The following AGFG1 variants were observed in gnomAD, a reference collection of about 807,000 sequenced individuals.
AGFG1 encodes the protein arf-GAP domain and FG repeat-containing protein 1.
A neutral mutation model predicts 60.6 loss-of-function variants in AGFG1; 10 were observed. The observed-to-expected ratio is 0.16, with a 90% confidence interval of 0.10 to 0.28. The LOEUF is 0.28. AGFG1 is among the 10% of genes least tolerant of loss of function. AGFG1 has a pLI of 1.00. For synonymous variants in AGFG1, 247 were observed against 242.9 expected (o/e 1.02, Z -0.16); for missense variants, 537 against 676.5 (o/e 0.79, Z 2.29).
chr2:227,535,710 G>T (rs1258174734), intron 8 of AGFG1, among the ~76,000 whole-genome samples: 1 of 152,062 alleles, frequency 6.6e-6, no homozygotes, highest in African/African-American at 2.4e-5. Context: ...AATTTCTTTA[G>T]TTATCCTGGT....
In AGFG1 at chr2:227,559,636, T is replaced by G. The variant is rs1693080390; in HGVS notation, c.*5141T>G. The G allele has an allele frequency of 6.6e-6, 1 of 152,172 alleles. No individual in the cohort carries two copies. Among genetic ancestry groups the G allele is most frequent in the South Asian group, 2.1e-4 (1 of 4,832 alleles). 9.4% of individuals were successfully genotyped at this position (152,172 alleles called of 1,614,324 possible). On this transcript the variant is annotated 3_prime_UTR_variant, in exon 13 of 13. Coordinates refer to ENST00000310078, the MANE Select transcript of AGFG1 (RefSeq NM_004504.5). Reference sequence around the variant, plus strand: ...GATGGTGATTAAAATGCCCATAGATTAATTTTTTAATCGGTTCTCTGAAAT... The same window carrying G: ...GATGGTGATTAAAATGCCCATAGATGAATTTTTTAATCGGTTCTCTGAAAT...
chr2:227,557,386 C>G lies in AGFG1; in HGVS notation c.*2891C>G, dbSNP rs1314024181. The G allele has an allele frequency of 6.6e-6, 1 of 152,092 alleles. No homozygotes were observed. The highest frequency in any genetic ancestry group is 6.6e-5 in the Admixed American group (1 of 15,266). The allele number at this position is 152,092 out of a possible 1,614,324, so 9.4% of individuals were successfully genotyped here. On this transcript the variant is annotated 3_prime_UTR_variant, in exon 13 of 13. Transcript: ENST00000310078. ...GTGCTTTACCTGTGAAATTCCCCGC[C>G]CCCCTGCACACACACCCACTTTAGT...
chr2:227,547,287 G>T (rs1379162406), intron 10 of AGFG1, among the ~76,000 whole-genome samples: 2 of 152,180 alleles, frequency 1.3e-5, no homozygotes, highest in East Asian at 3.8e-4. Flanking sequence ...GTTACCTTGG[G>T]CTGTGAAGGA....
At position 227,472,463 on chromosome 2, in the gene AGFG1, G is replaced by C; in HGVS notation, c.42G>C (p.Leu14=). ...AGCGGAAGCAGGAGGAGAAGCACCT[G>C]AAGATGCTGCGGGACATGACCGGCC... The part of the protein sequence containing the change: ...SAKRKQEEKH[L]KMLRDMTGLP... Residue 14 remains leucine, a synonymous_variant, in exon 1 of 13, where the codon CTG becomes CTC. Coordinates refer to ENST00000310078, the MANE Select transcript of AGFG1 (RefSeq NM_004504.5). 6.4e-7 allele frequency: 1 copy of C among 1,565,928 alleles called. No individual in the cohort carries two copies. The highest frequency in any genetic ancestry group is 8.6e-7 in the Non-Finnish European group (1 of 1,156,830).
At position 227,559,469 on chromosome 2, in the gene AGFG1, T is replaced by C. The variant is rs574846231; in HGVS notation, c.*4974T>C. 4.6e-5 allele frequency: 7 copies of C among 152,304 alleles called. No homozygotes were observed. Among genetic ancestry groups the C allele is most frequent in the African/African-American group, 1.4e-4 (6 of 41,576 alleles). The allele number at this position is 152,304 out of a possible 1,614,324, so 9.4% of individuals were successfully genotyped here. On this transcript the variant is annotated 3_prime_UTR_variant, in exon 13 of 13. Coordinates refer to ENST00000310078, the MANE Select transcript of AGFG1 (RefSeq NM_004504.5). ...TATCATTCTGCTTATTTTATTCTAG[T>C]GGATAAAAATTCAACGTATATTTAA...
chr2:227,533,680 A>G lies in AGFG1; in HGVS notation c.946A>G (p.Thr316Ala), dbSNP rs776720135. 1.1e-5 allele frequency: 18 copies of G among 1,613,746 alleles called. No individual in the cohort carries two copies. In the East Asian group the frequency reaches 1.8e-4, roughly 16 times the overall value. The change falls in exon 7 of 13, where the codon ACG (threonine) becomes GCG (alanine). Residue 316 changes from threonine (T) to alanine (A), a missense_variant. Thr to Ala is a moderately conservative substitution (Grantham distance 58, BLOSUM62 0). Around this residue, in one of 4 missense-constraint regions of AGFG1, gnomAD observed 287 missense variants for 343.6 expected, o/e 0.84. Transcript: ENST00000310078. ...AGCATCAGCTGTTAGTAAAGTTTCA[A>G]CGAACAAAGCTGGTTTACAGACTGC... ...QTASAVSKVS[T>A]NKAGLQTADK...
At chr2:227,490,677 T>A (rs1690786165) in intron 1 of AGFG1, among the ~76,000 whole-genome samples, 1 of 152,150 alleles carries the variant, frequency 6.6e-6, no homozygotes, top group African/African-American at 2.4e-5. Flanking sequence ...TCTGTGGAAC[T>A]TTGCGTAGGT....
intron 4 of AGFG1, 37 bp from the exon 5 acceptor site, chr2:227,524,725 G>C: frequency 6.2e-7 from 1 of 1,603,806 alleles, no homozygotes; most frequent in Non-Finnish European, 8.5e-7. Flanking sequence ...TTGCAGATCC[G>C]ACTGGAATAT....
chr2:227,510,019 GTTATC>G, intron 2 of AGFG1, among the ~76,000 whole-genome samples: 1 of 152,306 alleles, frequency 6.6e-6, no homozygotes, highest in East Asian at 1.9e-4. Flanking sequence ...ATTTACTTAT[GTTATC>G]TTAGTTTGAG....
rs1012513966 is a variant in AGFG1 at position 227,558,621 on chromosome 2, G to A, written c.*4126G>A. 1 of 151,904 alleles carries A rather than the reference G, an allele frequency of 6.6e-6. No individual in the cohort carries two copies. Among genetic ancestry groups the A allele is most frequent in the African/African-American group, 2.4e-5 (1 of 41,328 alleles). 9.4% of individuals were successfully genotyped at this position (151,904 alleles called of 1,614,324 possible). A position where few individuals can be genotyped will look rare whatever the true frequency, so the allele number is the denominator to read the frequency against. ...TCATTAGTTAAGTTTTTCTTTTTAT[G>A]TTTTAAAACTTAGTGACATTAAACT... On this transcript the variant is annotated 3_prime_UTR_variant, in exon 13 of 13. Transcript: ENST00000310078.
intron 11 of AGFG1, among the ~76,000 whole-genome samples, chr2:227,552,672 CTT>C (rs199665905): frequency 7.5e-5 from 10 of 134,144 alleles, no homozygotes; most frequent in Non-Finnish European, 9.7e-5. Flanking sequence ...TTTCTTTTTT[CTT>C]TTTTTTTTTT....
At chr2:227,509,315 G>C (rs1462898412) in intron 2 of AGFG1, among the ~76,000 whole-genome samples, 3 of 152,082 alleles carry the variant, frequency 2.0e-5, no homozygotes, top group Non-Finnish European at 4.4e-5. Flanking sequence ...CAGCTGGCCT[G>C]TACTCTTCAA....
chr2:227,560,059 G>A lies in AGFG1; in HGVS notation c.*5564G>A, dbSNP rs1693091568. The A allele has an allele frequency of 1.3e-5, 2 of 151,910 alleles. No homozygotes were observed. The highest frequency in any genetic ancestry group is 2.1e-4 in the South Asian group (1 of 4,816). 9.4% of individuals were successfully genotyped at this position (151,910 alleles called of 1,614,324 possible). ...TGTGTAGTCTTTAAGAAATGTTATC[G>A]TTTATTTTATATATGGCTCTCTCTC... On this transcript the variant is annotated 3_prime_UTR_variant, in exon 13 of 13. Coordinates refer to ENST00000310078, the MANE Select transcript of AGFG1 (RefSeq NM_004504.5).
intron 10 of AGFG1, among the ~76,000 whole-genome samples, chr2:227,540,924 G>A (rs1461258686): frequency 5.3e-5 from 8 of 152,198 alleles, no homozygotes; most frequent in African/African-American, 1.7e-4. Context: ...TGTAGTTTTG[G>A]TTTGCATTTC....
intron 1 of AGFG1, among the ~76,000 whole-genome samples, chr2:227,478,043 T>C (rs1008354938): frequency 2.6e-5 from 4 of 152,120 alleles, no homozygotes; most frequent in Non-Finnish European, 4.4e-5. Context: ...AATACTGTTG[T>C]GTATTCTGAA....
At chr2:227,505,735 TTTTG>T (rs1197322193) in intron 2 of AGFG1, among the ~76,000 whole-genome samples, 20 of 152,236 alleles carry the variant, frequency 1.3e-4, no homozygotes, top group East Asian at 5.8e-4. Context: ...ATTTTGTTTT[TTTTG>T]TTTGTTTGTT....
In AGFG1 at chr2:227,556,018, A is replaced by G. The variant is rs1553554221; in HGVS notation, c.*1523A>G. ...ATACACTGTCCAAGGCCATTAGTGT[A>G]AGGACCGCTACCCAGCCTAGAGGAC... On this transcript the variant is annotated 3_prime_UTR_variant, in exon 13 of 13. Coordinates refer to ENST00000310078, the MANE Select transcript of AGFG1 (RefSeq NM_004504.5). 1.3e-5 allele frequency: 2 copies of G among 152,250 alleles called. No individual in the cohort carries two copies. The highest frequency in any genetic ancestry group is 2.4e-5 in the African/African-American group (1 of 41,470). The allele number at this position is 152,250 out of a possible 1,614,324, so 9.4% of individuals were successfully genotyped here. A position where few individuals can be genotyped will look rare whatever the true frequency, so the allele number is the denominator to read the frequency against.
At chr2:227,536,425 AT>A (rs554351218) in intron 8 of AGFG1, among the ~76,000 whole-genome samples, 199 bp from the exon 9 acceptor site, 44 of 152,054 alleles carry the variant, frequency 2.9e-4, no homozygotes, top group African/African-American at 1.0e-3. Context: ...TGTATTTTTT[AT>A]TTTTTTATGA....
chr2:227,490,262 T>C (rs756063501), intron 1 of AGFG1, among the ~76,000 whole-genome samples: 11 of 152,310 alleles, frequency 7.2e-5, no homozygotes, highest in South Asian at 2.1e-4. Flanking sequence ...GATTACAAAT[T>C]GACTGACAAA....
Sources: gnomAD v4.1 joint callset for allele counts (sites outside exome capture counted in the v4.1 genomes callset) on GRCh38, gnomAD v4.1.1 for gene constraint, gnomAD v4.1.1 regional missense constraint, MANE v1.5 for transcripts, NCBI Gene and HGNC (gene_info 2026-07-23, HGNC 2026-07-21) for gene names.